The following CHCHD3 variants were observed in gnomAD, a reference collection of about 807,000 sequenced individuals.
CHCHD3 encodes MICOS complex subunit MIC19.
In CHCHD3, 20 loss-of-function variants were observed where a neutral mutation model predicts 38.2. The ratio of observed to expected loss-of-function variants is 0.52; its 90% CI spans 0.37 to 0.76. CHCHD3 has a LOEUF of 0.76. CHCHD3 is among the 30% of genes least tolerant of loss of function. CHCHD3 has a pLI of 0.00. For missense variants in CHCHD3, 245 were observed against 279.2 expected (o/e 0.88, Z 0.87); for synonymous variants, 82 against 100.0 (o/e 0.82, Z 1.07).
At chr7:133,002,757 C>G (rs543756015) in intron 3 of CHCHD3, among the ~76,000 whole-genome samples, 8 of 152,208 alleles carry the variant, frequency 5.3e-5, no homozygotes, top group African/African-American at 1.9e-4. Flanking sequence ...CTATAGAACC[C>G]TTACTAAAAT....
In CHCHD3 at chr7:133,035,725, C is replaced by T. The variant is rs2117470272; in HGVS notation, c.170-11098G>A. ...GCGTTGCTCTCAAACACACAGAATC[C>T]ATCATCACCCTCAAATGCTGGGACC... On this transcript the variant is annotated intron_variant, in intron 2 of 7. Coordinates refer to ENST00000262570, the MANE Select transcript of CHCHD3 (RefSeq NM_017812.4). The surrounding 1 kb of genome is among the most constrained non-coding windows in gnomAD (Gnocchi z 4.7). The T allele has an allele frequency of 6.2e-7, 1 of 1,613,378 alleles. No individual in the cohort carries two copies. The highest frequency in any genetic ancestry group is 8.5e-7 in the Non-Finnish European group (1 of 1,179,406).
intron 2 of CHCHD3, among the ~76,000 whole-genome samples, chr7:133,044,590 A>G (rs1054242779): frequency 1.3e-5 from 2 of 152,272 alleles, no homozygotes; most frequent in Non-Finnish European, 2.9e-5. Flanking sequence ...TCAGATAATC[A>G]GAAGTTAATA....
At chr7:132,974,152 A>T (rs1360666900) in intron 4 of CHCHD3, 2 of 562,424 alleles carry the variant, frequency 3.6e-6, no homozygotes, top group Non-Finnish European at 5.4e-6. Context: ...CATGAGGCTT[A>T]ACACCATCTA....
intron 5 of CHCHD3, among the ~76,000 whole-genome samples, chr7:132,845,673 C>G (rs1004350702): frequency 3.9e-5 from 6 of 152,190 alleles, no homozygotes; most frequent in African/African-American, 1.4e-4. Flanking sequence ...ATGTGAATCT[C>G]TAAGATGAGA....
rs984079789 is a variant in CHCHD3 at position 132,797,400 on chromosome 7, C to G, written c.525-823G>C. Among the ~76,000 whole-genome samples the G allele has an allele frequency of 2.0e-5, 3 of 152,348 alleles. No individual in the cohort carries two copies. In the Middle Eastern group the frequency reaches 0.01, roughly 518 times the overall value. Reference sequence around the variant, plus strand: ...TTCATTAGCTCTCCACCCCCCAACCCTGGTACAGTCTATCATTCCCTTTAT... The same window carrying G: ...TTCATTAGCTCTCCACCCCCCAACCGTGGTACAGTCTATCATTCCCTTTAT... On this transcript the variant is annotated intron_variant, in intron 6 of 7. Coordinates refer to ENST00000262570, the MANE Select transcript of CHCHD3 (RefSeq NM_017812.4).
intron 5 of CHCHD3, among the ~76,000 whole-genome samples, chr7:132,862,558 G>A (rs1052754414): frequency 2.0e-5 from 3 of 152,168 alleles, no homozygotes; most frequent in South Asian, 2.1e-4. Context: ...TGGCTGCGGT[G>A]GTGGCCAAAT....
rs928856633 is a variant in CHCHD3, at chr7:132,955,535, GT to G, written c.369+19633del. Reference sequence around the variant, plus strand: ...GTTTTTTGTTTGTTTGTTTTTTGGGGTTTTTTGTTTTTTTTTTTTAATGTGA... The same window carrying G: ...GTTTTTTGTTTGTTTGTTTTTTGGGGTTTTTGTTTTTTTTTTTTAATGTGA... On this transcript the variant is annotated intron_variant, in intron 4 of 7. Coordinates refer to ENST00000262570, the MANE Select transcript of CHCHD3 (RefSeq NM_017812.4). 8.2e-5 allele frequency among the ~76,000 whole-genome samples: 12 copies of G among 146,982 alleles called. 1 individual carries two copies. The South Asian group carries it at 2.1e-3, about 26-fold the overall frequency.
At chr7:133,018,899 T>TTG (rs1813099900) in intron 3 of CHCHD3, among the ~76,000 whole-genome samples, 1 of 147,766 alleles carries the variant, frequency 6.8e-6, no homozygotes, top group Non-Finnish European at 1.5e-5. Context: ...TTTTTTTTTT[T>TTG]TGAGACGGAG....
At chr7:133,047,139 A>C (rs747489470) in intron 2 of CHCHD3, among the ~76,000 whole-genome samples, 16 of 152,354 alleles carry the variant, frequency 1.1e-4, no homozygotes, top group Non-Finnish European at 2.4e-4. Flanking sequence ...ACACCAGATC[A>C]TGGAAGCGAT....
Position 133,035,915 on chromosome 7 carries a change from C to G in CHCHD3, c.170-11288G>C, listed in dbSNP as rs1584662729. The G allele has an allele frequency of 4.4e-6, 7 of 1,593,628 alleles. No homozygotes were observed. The South Asian group carries it at 6.7e-5, about 15-fold the overall frequency. Reference sequence around the variant, plus strand: ...CAGGATACGTGTACAGGGTCCCAGCCGCCATGGTGATTCCGCAAAGAAAGG... The same window carrying G: ...CAGGATACGTGTACAGGGTCCCAGCGGCCATGGTGATTCCGCAAAGAAAGG... On this transcript the variant is annotated intron_variant, in intron 2 of 7. Coordinates refer to ENST00000262570, the MANE Select transcript of CHCHD3 (RefSeq NM_017812.4). The surrounding 1 kb of genome is among the most constrained non-coding windows in gnomAD (Gnocchi z 4.7).
intron 2 of CHCHD3, among the ~76,000 whole-genome samples, chr7:133,069,771 T>C (rs1814765506): frequency 6.6e-6 from 1 of 152,238 alleles, no homozygotes; most frequent in Non-Finnish European, 1.5e-5. Flanking sequence ...TTTGGAATAC[T>C]TCACAATTTG....
At chr7:132,876,407 T>A (rs994319912) in intron 5 of CHCHD3, among the ~76,000 whole-genome samples, 1 of 152,230 alleles carries the variant, frequency 6.6e-6, no homozygotes, top group African/African-American at 2.4e-5. Context: ...AAAGAATCTT[T>A]AAAAGTGGAA....
Position 132,825,636 on chromosome 7 carries a change from G to T in CHCHD3, c.524+12763C>A, listed in dbSNP as rs6956064. 1.4e-3 allele frequency among the ~76,000 whole-genome samples: 218 copies of T among 152,374 alleles called. 2 individuals are homozygous for T. Among genetic ancestry groups the T allele is most frequent in the African/African-American group, 5.0e-3 (208 of 41,598 alleles). The stretch of plus-strand genomic sequence containing the variant: ...CAGTATCAAATGAGCTGTAATGGAG[G>T]TGTTACGAATGTAAATCAGCGAAGC... On this transcript the variant is annotated intron_variant, in intron 6 of 7. Transcript: ENST00000262570.
At chr7:132,921,155 C>A (rs1445865510) in intron 4 of CHCHD3, among the ~76,000 whole-genome samples, 1 of 152,072 alleles carries the variant, frequency 6.6e-6, no homozygotes, top group Non-Finnish European at 1.5e-5. Flanking sequence ...GTAAACTGAA[C>A]AATATTTTCG....
intron 5 of CHCHD3, among the ~76,000 whole-genome samples, chr7:132,881,683 T>C (rs959628564): frequency 2.0e-5 from 3 of 152,218 alleles, no homozygotes; most frequent in Non-Finnish European, 4.4e-5. Flanking sequence ...CTGGATTTCC[T>C]AGTAAGTTAG....
intron 6 of CHCHD3, among the ~76,000 whole-genome samples, chr7:132,823,837 A>G (rs1454749755): frequency 6.6e-6 from 1 of 152,220 alleles, no homozygotes; most frequent in Non-Finnish European, 1.5e-5. Context: ...TTCTTAGGAC[A>G]CCATTCAAAG....
chr7:132,957,994 TAAA>T (rs777421303), intron 4 of CHCHD3, among the ~76,000 whole-genome samples: 2 of 152,168 alleles, frequency 1.3e-5, no homozygotes, highest in African/African-American at 2.4e-5. Context: ...ATTATTGCTT[TAAA>T]ATAAAATAAA....
chr7:132,878,547 G>A (rs935885537), intron 5 of CHCHD3, among the ~76,000 whole-genome samples: 1 of 152,126 alleles, frequency 6.6e-6, no homozygotes, highest in Non-Finnish European at 1.5e-5. Flanking sequence ...TCTTCTTAAT[G>A]GCAATTTATT....
At chr7:132,964,739 A>T (rs1246254172) in intron 4 of CHCHD3, among the ~76,000 whole-genome samples, 1 of 152,188 alleles carries the variant, frequency 6.6e-6, no homozygotes, top group Non-Finnish European at 1.5e-5. Flanking sequence ...AAGAAAATTC[A>T]AAAATGACTT....
Sources: allele counts gnomAD v4.1 joint callset (sites outside exome capture counted in the v4.1 genomes callset), GRCh38; gene constraint gnomAD v4.1.1; non-coding constraint Gnocchi (gnomAD v3.1); transcripts MANE v1.5; gene names NCBI Gene and HGNC (gene_info 2026-07-23, HGNC 2026-07-21).